The following CTBS variants were observed in gnomAD, a reference collection of about 807,000 sequenced individuals.
CTBS encodes the protein di-N-acetylchitobiase.
Under a neutral mutation model 44.3 loss-of-function variants are expected in CTBS, and 35 were observed. The observed-to-expected ratio is 0.79, with a 90% CI of 0.60 to 1.05. The LOEUF is 1.05. CTBS is among the 50% of genes least tolerant of loss of function. The probability of loss-of-function intolerance (pLI) is 0.00; values close to 1 mark genes in which losing one functional copy is unlikely to be tolerated. For missense variants in CTBS, 458 were observed against 475.3 expected (o/e 0.96, Z 0.34); for synonymous variants, 143 against 168.0 (o/e 0.85, Z 1.15).
intron 1 of CTBS, chr1:84,573,778 G>A (rs1242414026): frequency 3.8e-6 from 2 of 522,724 alleles, no homozygotes; most frequent in Non-Finnish European, 4.9e-6. Context: ...TGGTTTTGAG[G>A]TACTTTAAAG....
chr1:84,560,546 G>A (rs1367278824), intron 6 of CTBS, among the ~76,000 whole-genome samples: 2 of 152,172 alleles, frequency 1.3e-5, no homozygotes, highest in Non-Finnish European at 2.9e-5. Context: ...GTAAAATTAT[G>A]ATCAAACACA....
chr1:84,562,638 CTG>C (rs200973086), intron 6 of CTBS, among the ~76,000 whole-genome samples: 2,391 of 152,208 alleles, frequency 0.016, 78 homozygotes, highest in African/African-American at 0.054. Context: ...ATTATGAAAA[CTG>C]TAACTTTTCT....
In CTBS at chr1:84,574,268, G is replaced by A. The variant is rs1180815153; in HGVS notation, c.148C>T (p.Arg50Cys). 3.1e-6 allele frequency: 5 copies of A among 1,600,296 alleles called. No individual in the cohort carries two copies. Among genetic ancestry groups the A allele is most frequent in the Non-Finnish European group, 3.4e-6 (4 of 1,174,626 alleles). Residue 50 changes from arginine to cysteine, a missense_variant, in exon 1 of 7, where the codon CGC becomes TGC. Arg to Cys is a radical substitution (Grantham distance 180). Transcript: ENST00000370630. Reference sequence around the variant, plus strand: ...AAATCTGGATGGTGGCGAATCGGGCGGCAGAGCTCAGGCTCCGGGCATGGG... The same window carrying A: ...AAATCTGGATGGTGGCGAATCGGGCAGCAGAGCTCAGGCTCCGGGCATGGG... ...DCPCPEPELC[R>C]PIRHHPDFEV...
At chr1:84,568,849 G>T (rs1257422047) in intron 3 of CTBS, among the ~76,000 whole-genome samples, 2 of 151,952 alleles carry the variant, frequency 1.3e-5, no homozygotes, top group East Asian at 3.9e-4. Context: ...ATCCCGCTTT[G>T]CCTTCCACCA....
intron 3 of CTBS, among the ~76,000 whole-genome samples, chr1:84,568,790 C>T (rs1340866060): frequency 6.6e-6 from 1 of 152,094 alleles, no homozygotes. Flanking sequence ...AAGTGTGTGG[C>T]ACCTCCCCAC....
Position 84,552,920 on chromosome 1 carries a change from C to A in CTBS, c.*2079G>T, listed in dbSNP as rs548920531. 5.3e-5 allele frequency: 35 copies of A among 661,076 alleles called. No homozygotes were observed. The African/African-American group carries it at 6.0e-4, about 11-fold the overall frequency. 41.0% of individuals were successfully genotyped at this position (661,076 alleles called of 1,614,324 possible). A position where few individuals can be genotyped will look rare whatever the true frequency, so the allele number is the denominator to read the frequency against. On this transcript the variant is annotated 3_prime_UTR_variant, in exon 7 of 7. Coordinates refer to ENST00000370630, the MANE Select transcript of CTBS (RefSeq NM_004388.3). The stretch of plus-strand genomic sequence containing the variant: ...CCAGTGGGAGTTGAAAGCACTGAAG[C>A]CAAATGAGAGAAGACAGTTAAAGCG...
chr1:84,573,977 T>C (rs780200915), intron 1 of CTBS: 12 of 1,362,294 alleles, frequency 8.8e-6, no homozygotes, highest in African/African-American at 1.5e-5. Flanking sequence ...TGAAAGGAGC[T>C]TGCCTTAGGA....
intron 4 of CTBS, among the ~76,000 whole-genome samples, chr1:84,564,504 A>G (rs1684652647): frequency 6.6e-6 from 1 of 152,146 alleles, no homozygotes; most frequent in East Asian, 1.9e-4. Context: ...GGGGTGGGGT[A>G]TGTATCAGTT....
chr1:84,561,946 A>G (rs955020277), intron 6 of CTBS, among the ~76,000 whole-genome samples: 2 of 152,156 alleles, frequency 1.3e-5, no homozygotes, highest in African/African-American at 4.8e-5. Context: ...TTATTGCTAT[A>G]TTTACTTTAT....
At position 84,554,813 on chromosome 1, in the gene CTBS, T is replaced by A. The variant is rs1803276; in HGVS notation, c.*186A>T. 10,778 of 524,316 alleles carry A rather than the reference T, an allele frequency of 0.021. 992 individuals are homozygous for A. Among genetic ancestry groups the A allele is most frequent in the African/African-American group, 0.19 (9,702 of 52,292 alleles). 32.5% of individuals were successfully genotyped at this position (524,316 alleles called of 1,614,324 possible). A position where few individuals can be genotyped will look rare whatever the true frequency, so the allele number is the denominator to read the frequency against. On this transcript the variant is annotated 3_prime_UTR_variant, in exon 7 of 7. Coordinates refer to ENST00000370630, the MANE Select transcript of CTBS (RefSeq NM_004388.3). Reference sequence around the variant, plus strand: ...TAGGTAAGTTGACTTGCTTCTTGCCTTTATGTTCCTGGATACTGAGGACAT... The same window carrying A: ...TAGGTAAGTTGACTTGCTTCTTGCCATTATGTTCCTGGATACTGAGGACAT...
Position 84,565,968 on chromosome 1 carries a change from T to A in CTBS, c.570A>T (p.Arg190Ser). 1.3e-6 allele frequency: 2 copies of A among 1,589,626 alleles called. No homozygotes were observed. The highest frequency in any genetic ancestry group is 3.3e-4 in the Middle Eastern group (2 of 6,004). ...VAWSPKNIDR[R>S]CYNYTGIADA... ...CTGCGATTCCAGTATAATTATAGCA[T>A]CTTCTGTCTATGTTCTTTGGAGACC... The change falls in exon 4 of 7, where the codon AGA becomes AGT. Residue 190 changes from arginine (R) to serine (S), a missense_variant. By Grantham distance (110) the Arg-to-Ser change is moderately radical. Coordinates refer to ENST00000370630, the MANE Select transcript of CTBS (RefSeq NM_004388.3).
Position 84,563,473 on chromosome 1 carries a change from G to A in CTBS, c.796-55C>T, listed in dbSNP as rs1477470520. 6.4e-6 allele frequency: 8 copies of A among 1,240,892 alleles called. No homozygotes were observed. The Admixed American group carries it at 9.3e-5, about 14-fold the overall frequency. The allele number at this position is 1,240,892 out of a possible 1,614,324, so 76.9% of individuals were successfully genotyped here. A position where few individuals can be genotyped will look rare whatever the true frequency, so the allele number is the denominator to read the frequency against. Reference sequence around the variant, plus strand: ...ATTATCAATTATGCAATTCTTAAAAGCCAAACCAAAAATATATAAATTATT... The same window carrying A: ...ATTATCAATTATGCAATTCTTAAAAACCAAACCAAAAATATATAAATTATT... On this transcript the variant is annotated intron_variant, in intron 5 of 6. Coordinates refer to ENST00000370630, the MANE Select transcript of CTBS (RefSeq NM_004388.3).
At chr1:84,560,608 A>G (rs1305197633) in intron 6 of CTBS, among the ~76,000 whole-genome samples, 2 of 152,250 alleles carry the variant, frequency 1.3e-5, no homozygotes, top group Admixed American at 6.5e-5. Context: ...TTGGAAGAAG[A>G]TGATGCCATT....
At chr1:84,555,414 T>C (rs999453595) in intron 6 of CTBS, among the ~76,000 whole-genome samples, 1 of 152,230 alleles carries the variant, frequency 6.6e-6, no homozygotes, top group Non-Finnish European at 1.5e-5. Context: ...AAATGGTCCC[T>C]GACTTACAAT....
chr1:84,574,332 CAGCAGCGCCAGCAGCGCT>C lies in CTBS; in HGVS notation c.66_83del (p.Leu28_Leu33del), dbSNP rs781634018. 1.4e-5 allele frequency: 22 copies of C among 1,568,808 alleles called. No homozygotes were observed. The highest frequency in any genetic ancestry group is 1.7e-4 in the Middle Eastern group (1 of 5,788). On this transcript the variant is annotated inframe_deletion, in exon 1 of 7. Coordinates refer to ENST00000370630, the MANE Select transcript of CTBS (RefSeq NM_004388.3). Reference sequence around the variant, plus strand: ...CCGCGAGCCGCAGCGCCAGCAGCGCCAGCAGCGCCAGCAGCGCTAGACCCGGGACGCCGCTCGGCGGGC... The same window carrying C: ...CCGCGAGCCGCAGCGCCAGCAGCGCCAGACCCGGGACGCCGCTCGGCGGGC...
chr1:84,570,774 G>A lies in CTBS; in HGVS notation c.178-54C>T, dbSNP rs564581833. Reference sequence around the variant, plus strand: ...TTAAACCAAGAATATTATGCTGACCGTCCAAAATACCGTTCATCAAACATC... The same window carrying A: ...TTAAACCAAGAATATTATGCTGACCATCCAAAATACCGTTCATCAAACATC... On this transcript the variant is annotated intron_variant, in intron 1 of 6. Transcript: ENST00000370630. The A allele has an allele frequency of 1.3e-4, 195 of 1,555,958 alleles. 5 individuals are homozygous for A. The South Asian group carries it at 1.9e-3, about 16-fold the overall frequency.
chr1:84,555,020 C>CT lies in CTBS; in HGVS notation c.1136dup (p.Pro380AlafsTer17), dbSNP rs763997358. 3 of 1,613,870 alleles carry CT rather than the reference C, an allele frequency of 1.9e-6. No homozygotes were observed. Among genetic ancestry groups the CT allele is most frequent in the Non-Finnish European group, 1.7e-6 (2 of 1,179,910 alleles). On this transcript the variant is annotated frameshift_variant, in exon 7 of 7. Transcript: ENST00000370630. LOFTEE classifies it high-confidence loss of function. The stretch of plus-strand genomic sequence containing the variant: ...ATGTTCATCTCTGTAACAGCTTTGG[C>CT]TTTAAGACTTCCCACATTTCTTCAG...
intron 1 of CTBS, among the ~76,000 whole-genome samples, chr1:84,573,544 C>G (rs1192879471): frequency 2.0e-5 from 3 of 152,184 alleles, no homozygotes; most frequent in African/African-American, 7.2e-5. Flanking sequence ...AGATTAAGAA[C>G]TAGGAATCAT....
chr1:84,569,322 C>CGAAA (rs1647225925), intron 3 of CTBS, among the ~76,000 whole-genome samples: 1 of 152,138 alleles, frequency 6.6e-6, no homozygotes, highest in Non-Finnish European at 1.5e-5. Flanking sequence ...GCTTACTTTT[C>CGAAA]CTTAAGACCT....
Sources: allele counts gnomAD v4.1 joint callset (sites outside exome capture counted in the v4.1 genomes callset), GRCh38; gene constraint gnomAD v4.1.1; transcripts MANE v1.5; gene names NCBI Gene and HGNC (gene_info 2026-07-23, HGNC 2026-07-21).